The following CATSPERT variants were observed in gnomAD, a reference collection of about 807,000 sequenced individuals.
CATSPERT encodes the protein catsper channel auxiliary subunit tau.
the CATSPERT span, among the ~76,000 whole-genome samples, chr2:201,514,596 G>A: frequency 6.6e-6 from 1 of 152,122 alleles, no homozygotes; most frequent in Admixed American, 6.5e-5. Context: ...GTGTAGTGAT[G>A]GAAACATTCT....
chr2:201,604,546 A>G, the CATSPERT span: 85 of 1,063,980 alleles, frequency 8.0e-5, no homozygotes, highest in South Asian at 1.4e-3. Flanking sequence ...CATTTTCTGC[A>G]TATACTGTTT....
chr2:201,614,608 C>A, the CATSPERT span, among the ~76,000 whole-genome samples: 1 of 152,122 alleles, frequency 6.6e-6, no homozygotes, highest in African/African-American at 2.4e-5. Flanking sequence ...CAAAAACATG[C>A]CAAATTGTAA....
chr2:201,556,409 T>C, the CATSPERT span, among the ~76,000 whole-genome samples: 2 of 151,092 alleles, frequency 1.3e-5, no homozygotes, highest in Middle Eastern at 3.2e-3. Context: ...CTCGAGAGGC[T>C]GAGGCAGAAG....
chr2:201,501,883 T>G, the CATSPERT span, among the ~76,000 whole-genome samples: 1 of 152,172 alleles, frequency 6.6e-6, no homozygotes, highest in Non-Finnish European at 1.5e-5. Flanking sequence ...AGTGAAGAAA[T>G]TAGATTTAAT....
the CATSPERT span, among the ~76,000 whole-genome samples, chr2:201,506,775 G>A: frequency 6.6e-6 from 1 of 152,128 alleles, no homozygotes; most frequent in Non-Finnish European, 1.5e-5. Context: ...GGATGGTCTC[G>A]ATCTCCTGAT....
chr2:201,543,860 CTTTTT>C, the CATSPERT span, among the ~76,000 whole-genome samples: 1 of 151,846 alleles, frequency 6.6e-6, no homozygotes, highest in Non-Finnish European at 1.5e-5. Flanking sequence ...AACTTGCTTT[CTTTTT>C]TTTATTATTA....
At chr2:201,496,914 C>T in the CATSPERT span, among the ~76,000 whole-genome samples, 14 of 152,292 alleles carry the variant, frequency 9.2e-5, no homozygotes, top group African/African-American at 2.9e-4. Context: ...GTCCCCCACA[C>T]AATCCAGATA....
chr2:201,564,362 A>C, the CATSPERT span, among the ~76,000 whole-genome samples: 1 of 152,214 alleles, frequency 6.6e-6, no homozygotes, highest in Non-Finnish European at 1.5e-5. Flanking sequence ...ATAAATTTTC[A>C]AGTACAATGT....
At chr2:201,568,885 C>G in the CATSPERT span, among the ~76,000 whole-genome samples, 1 of 152,172 alleles carries the variant, frequency 6.6e-6, no homozygotes, top group Non-Finnish European at 1.5e-5. Context: ...CATCCTAGAA[C>G]CAGGGAAATA....
the CATSPERT span, chr2:201,558,317 T>C: frequency 6.6e-6 from 1 of 152,256 alleles, no homozygotes; most frequent in Admixed American, 6.5e-5. Context: ...GCCAGCAAGA[T>C]AGCTGACTAG....
chr2:201,531,249 G>A, the CATSPERT span, among the ~76,000 whole-genome samples: 10 of 152,016 alleles, frequency 6.6e-5, no homozygotes, highest in East Asian at 9.7e-4. Context: ...GTGAGCCACC[G>A]CGCCTGGCCG....
At chr2:201,493,132 G>T in the CATSPERT span, 1 of 1,526,324 alleles carries the variant, frequency 6.6e-7, no homozygotes, top group Non-Finnish European at 8.8e-7. Flanking sequence ...TTTTAAAAAG[G>T]ATTTTAACAT....
the CATSPERT span, among the ~76,000 whole-genome samples, chr2:201,615,777 C>T: frequency 2.6e-5 from 4 of 151,902 alleles, no homozygotes; most frequent in Admixed American, 1.3e-4. Flanking sequence ...AGCTGGTTTT[C>T]TGAAAAGATC....
At chr2:201,588,244 A>T in the CATSPERT span, among the ~76,000 whole-genome samples, 9 of 152,116 alleles carry the variant, frequency 5.9e-5, no homozygotes, top group Non-Finnish European at 1.0e-4. Context: ...AAAATCCTCA[A>T]CAAAATACTG....
chr2:201,561,320 A>G, the CATSPERT span, among the ~76,000 whole-genome samples: 2 of 152,226 alleles, frequency 1.3e-5, no homozygotes, highest in Non-Finnish European at 1.5e-5. Context: ...AAAATCAAAT[A>G]ATGCATTATT....
chr2:201,594,850 C>G, the CATSPERT span, among the ~76,000 whole-genome samples: 1 of 152,308 alleles, frequency 6.6e-6, no homozygotes, highest in East Asian at 1.9e-4. Context: ...AAGCACTTCT[C>G]TGTATTGTTT....
chr2:201,543,191 C>T, the CATSPERT span, among the ~76,000 whole-genome samples: 5 of 152,242 alleles, frequency 3.3e-5, no homozygotes, highest in East Asian at 7.7e-4. Context: ...TCTAGGCTCT[C>T]TCTTCTATTC....
the CATSPERT span, among the ~76,000 whole-genome samples, chr2:201,502,345 G>A: frequency 1.3e-5 from 2 of 152,056 alleles, no homozygotes; most frequent in African/African-American, 4.8e-5. Flanking sequence ...AGGCCGACAT[G>A]GGAGGATCAC....
At chr2:201,494,241 AC>A in the CATSPERT span, 1 of 1,536,802 alleles carries the variant, frequency 6.5e-7, no homozygotes, top group South Asian at 1.2e-5. Context: ...CTCTTGCTTC[AC>A]TGTTCATACT....
Sources: gnomAD v4.1 joint callset for allele counts (sites outside exome capture counted in the v4.1 genomes callset) on GRCh38, gnomAD v4.1.1 for gene constraint, MANE v1.5 for transcripts, NCBI Gene and HGNC (gene_info 2026-07-23, HGNC 2026-07-21) for gene names.